ATP2B2: variants seen among roughly 807,000 people sequenced by gnomAD.
ATP2B2 encodes ATPase plasma membrane Ca2+ transporting 2, also known as plasma membrane calcium-transporting ATPase 2.
A neutral mutation model predicts 120.0 loss-of-function variants in ATP2B2; 15 were observed. That is an observed-to-expected ratio of 0.12 (90% CI 0.08 to 0.19). ATP2B2 has a LOEUF of 0.19. Among genes scored for constraint, ATP2B2 ranks in the 10% least tolerant of loss-of-function variants. The probability of loss-of-function intolerance (pLI) is 1.00; values close to 1 mark genes in which losing one functional copy is unlikely to be tolerated. For synonymous variants in ATP2B2, 694 were observed against 700.3 expected (o/e 0.99, Z 0.14); for missense variants, 1,045 against 1,719.8 (o/e 0.61, Z 6.94).
At chr3:10,374,960 GC>G (rs1559247408) in intron 11 of ATP2B2, among the ~76,000 whole-genome samples, 2 of 152,244 alleles carry the variant, frequency 1.3e-5, no homozygotes, top group African/African-American at 2.4e-5. Flanking sequence ...CGCTACAGTT[GC>G]CCGCGGGGCC....
intron 5 of ATP2B2, chr3:10,394,510 C>T: frequency 2.1e-6 from 1 of 471,208 alleles, no homozygotes. Context: ...ATCCACTACA[C>T]CCCGCTGCCT....
chr3:10,516,276 G>A (rs1370277904), intron 3 of ATP2B2, among the ~76,000 whole-genome samples: 3 of 152,156 alleles, frequency 2.0e-5, no homozygotes, highest in African/African-American at 7.2e-5. Context: ...GCCTCTGTCG[G>A]CTCTCATCCC....
intron 2 of ATP2B2, among the ~76,000 whole-genome samples, chr3:10,571,455 G>A (rs1253272047): frequency 2.0e-5 from 3 of 152,240 alleles, no homozygotes; most frequent in South Asian, 2.1e-4. Context: ...GTTGCCTGGA[G>A]GAGGGGCCGC....
At chr3:10,558,726 T>A (rs917618188) in intron 2 of ATP2B2, among the ~76,000 whole-genome samples, 5 of 152,174 alleles carry the variant, frequency 3.3e-5, no homozygotes, top group Admixed American at 6.5e-5. Context: ...AGACTCCTAA[T>A]GTCTACAGCT....
At chr3:10,657,861 T>A (rs1261823628) in intron 1 of ATP2B2, among the ~76,000 whole-genome samples, 1 of 152,228 alleles carries the variant, frequency 6.6e-6, no homozygotes, top group Non-Finnish European at 1.5e-5. Flanking sequence ...AGGGGCAGAC[T>A]GACACCTCAC....
chr3:10,338,366 G>A lies in ATP2B2; in HGVS notation c.3238-8C>T, dbSNP rs1332890852. 4 of 1,613,952 alleles carry A rather than the reference G, an allele frequency of 2.5e-6. No individual in the cohort carries two copies. The African/African-American group carries it at 5.3e-5, about 22-fold the overall frequency. The stretch of plus-strand genomic sequence containing the variant: ...CGGGATGGTGGCGATGACCTGCAAG[G>A]GACCCTGTCTGTCAGGACGGTGGGG... On this transcript the variant is annotated splice_polypyrimidine_tract_variant and splice_region_variant and intron_variant, in intron 21 of 22. Transcript: ENST00000360273.
chr3:10,425,143 T>TAC (rs1467551663), intron 2 of ATP2B2, among the ~76,000 whole-genome samples: 14 of 146,020 alleles, frequency 9.6e-5, no homozygotes, highest in South Asian at 8.5e-4. Context: ...TATATATATA[T>TAC]ACGTATATAT....
chr3:10,324,790 T>C lies in ATP2B2; in HGVS notation c.*4024A>G. On this transcript the variant is annotated 3_prime_UTR_variant, in exon 23 of 23. Transcript: ENST00000360273. ...AAGAAACTATCCCCCCAAAACAAAA[T>C]GAAACAAAAACAACAAAAAACCAGT... The C allele has an allele frequency of 6.6e-6, 1 of 152,008 alleles. No individual in the cohort carries two copies. The highest frequency in any genetic ancestry group is 1.5e-5 in the Non-Finnish European group (1 of 68,016). 9.4% of individuals were successfully genotyped at this position (152,008 alleles called of 1,614,324 possible).
At chr3:10,418,579 C>T (rs983099902) in intron 2 of ATP2B2, among the ~76,000 whole-genome samples, 16 of 152,040 alleles carry the variant, frequency 1.1e-4, no homozygotes, top group African/African-American at 3.6e-4. Context: ...ACCTCTTCTC[C>T]CCTGTTCTGA....
At chr3:10,437,341 C>T (rs1046485506) in intron 2 of ATP2B2, among the ~76,000 whole-genome samples, 6 of 152,198 alleles carry the variant, frequency 3.9e-5, no homozygotes, top group Non-Finnish European at 8.8e-5. Context: ...TGTTGACTCA[C>T]ATCAGCTCAT....
chr3:10,448,598 CTGCTCAATTT>C (rs2063921065), intron 2 of ATP2B2, among the ~76,000 whole-genome samples: 1 of 152,156 alleles, frequency 6.6e-6, no homozygotes. Context: ...GATTCCAGGC[CTGCTCAATTT>C]TGGCAGTTGC....
chr3:10,636,152 C>A (rs2070015878), intron 1 of ATP2B2, among the ~76,000 whole-genome samples: 1 of 152,214 alleles, frequency 6.6e-6, no homozygotes, highest in South Asian at 2.1e-4. Flanking sequence ...CAGTCTCTTC[C>A]TGCAGCCCAT....
chr3:10,461,170 G>A (rs562567215), intron 1 of ATP2B2, among the ~76,000 whole-genome samples: 21 of 152,336 alleles, frequency 1.4e-4, no homozygotes, highest in South Asian at 4.1e-4. Flanking sequence ...AGGGATTTGC[G>A]TATGTGCATG....
intron 1 of ATP2B2, among the ~76,000 whole-genome samples, chr3:10,462,450 C>G (rs536084322): frequency 6.6e-6 from 1 of 152,354 alleles, no homozygotes; most frequent in South Asian, 2.1e-4. Flanking sequence ...CCCTGGCTCT[C>G]TAGCCTTACA....
chr3:10,587,975 A>T (rs12629118), intron 2 of ATP2B2, among the ~76,000 whole-genome samples: 10,156 of 152,234 alleles, frequency 0.067, 532 homozygotes, highest in South Asian at 0.14. Context: ...GAGAATTTTT[A>T]AAAAAGAGGA....
At position 10,640,456 on chromosome 3, in the gene ATP2B2, A is replaced by T. The variant is rs542485731; in HGVS notation, c.-459-20495T>A. Among the ~76,000 whole-genome samples, 476 of 152,316 alleles carry T rather than the reference A, an allele frequency of 3.1e-3. 3 individuals are homozygous for T. Among genetic ancestry groups the T allele is most frequent in the African/African-American group, 0.011 (456 of 41,572 alleles). On this transcript the variant is annotated intron_variant, in intron 1 of 21. Coordinates refer to the ATP2B2 transcript ENST00000646379. Reference sequence around the variant, plus strand: ...GCACTGGAGGCAACAAGGGCAAGGCACTGGCTTGGGAACTCTTGGTTTCTC... The same window carrying T: ...GCACTGGAGGCAACAAGGGCAAGGCTCTGGCTTGGGAACTCTTGGTTTCTC...
At chr3:10,595,542 A>C (rs1405413995) in intron 2 of ATP2B2, among the ~76,000 whole-genome samples, 1 of 152,230 alleles carries the variant, frequency 6.6e-6, no homozygotes, top group Non-Finnish European at 1.5e-5. Flanking sequence ...AGGCTCAAAA[A>C]TAGTAGATGA....
chr3:10,579,873 C>G (rs1180980282), intron 2 of ATP2B2, among the ~76,000 whole-genome samples: 2 of 148,792 alleles, frequency 1.3e-5, no homozygotes, highest in Non-Finnish European at 3.0e-5. Context: ...AGGTGGGCCT[C>G]AAAGTGCCGC....
chr3:10,426,110 C>T (rs961721429), intron 2 of ATP2B2, among the ~76,000 whole-genome samples: 2 of 152,098 alleles, frequency 1.3e-5, no homozygotes, highest in Non-Finnish European at 2.9e-5. Flanking sequence ...GTGCTGTTCC[C>T]TCTGCTTGGA....
Sources: gnomAD v4.1 joint callset for allele counts (sites outside exome capture counted in the v4.1 genomes callset) on GRCh38, gnomAD v4.1.1 for gene constraint, MANE v1.5 for transcripts, NCBI Gene and HGNC (gene_info 2026-07-23, HGNC 2026-07-21) for gene names.